Variants in MEGF11 observed in about 807,000 individuals in gnomAD.
MEGF11 encodes multiple EGF like domains 11.
A neutral mutation model predicts 146.6 loss-of-function variants in MEGF11; 126 were observed. The observed-to-expected ratio is 0.86, with a 90% CI of 0.74 to 1.00. The LOEUF (loss-of-function observed/expected upper bound fraction) is 1.00, where lower values mean the gene tolerates loss of function less well. MEGF11 is among the 50% of genes least tolerant of loss of function. The pLI, the probability that MEGF11 is intolerant of heterozygous loss-of-function variation, is 0.00. For missense variants in MEGF11, 1,509 were observed against 1,521.2 expected, an observed-to-expected ratio of 0.99 and a Z score of 0.13; for synonymous variants, 532 against 583.4, an observed-to-expected ratio of 0.91 and a Z score of 1.27.
chr15:66,083,546 C>T (rs757825807), intron 5 of MEGF11, among the ~76,000 whole-genome samples: 23 of 151,812 alleles, frequency 1.5e-4, no homozygotes, highest in Non-Finnish European at 2.5e-4. Flanking sequence ...AGGGGTAAAG[C>T]GTCATGACAT....
chr15:65,991,875 A>G (rs2082053742), intron 5 of MEGF11, among the ~76,000 whole-genome samples: 1 of 152,218 alleles, frequency 6.6e-6, no homozygotes, highest in Admixed American at 6.5e-5. Flanking sequence ...TTACGAGATG[A>G]GAGGCTCAAT....
chr15:65,969,118 A>C (rs149799627), intron 8 of MEGF11, among the ~76,000 whole-genome samples: 117 of 152,298 alleles, frequency 7.7e-4, no homozygotes, highest in African/African-American at 2.6e-3. Context: ...TCCAACAAGC[A>C]GAGAGATTTT....
intron 5 of MEGF11, among the ~76,000 whole-genome samples, chr15:66,020,991 C>CAAAAAAAAAA (rs35364286): frequency 5.6e-5 from 4 of 70,848 alleles, no homozygotes; most frequent in African/African-American, 2.2e-4. Flanking sequence ...AACTCCATCT[C>CAAAAAAAAAA]AAAAAAAAAA....
At chr15:66,237,407 G>A (rs374440390) in intron 1 of MEGF11, among the ~76,000 whole-genome samples, 2 of 152,172 alleles carry the variant, frequency 1.3e-5, no homozygotes, top group Non-Finnish European at 2.9e-5. Context: ...AAATAAGGAC[G>A]TCAGCAGCAT....
At chr15:66,028,374 G>A (rs2083408240) in intron 5 of MEGF11, among the ~76,000 whole-genome samples, 1 of 152,104 alleles carries the variant, frequency 6.6e-6, no homozygotes, top group Non-Finnish European at 1.5e-5. Context: ...AGCAATTTAG[G>A]GAAACAAATA....
At chr15:66,100,826 A>T (rs1434375248) in intron 4 of MEGF11, among the ~76,000 whole-genome samples, 2 of 120,220 alleles carry the variant, frequency 1.7e-5, no homozygotes, top group Non-Finnish European at 3.2e-5. Context: ...GGGAGACGGC[A>T]CCTGAATGAG....
intron 5 of MEGF11, among the ~76,000 whole-genome samples, chr15:66,083,639 A>G (rs2085986104): frequency 6.6e-6 from 1 of 152,188 alleles, no homozygotes; most frequent in East Asian, 1.9e-4. Flanking sequence ...CTTCATAAAA[A>G]AAAAAAACTT....
intron 18 of MEGF11, 94 bp from the exon 19 acceptor site, chr15:65,915,692 C>T (rs2078973977): frequency 6.7e-7 from 1 of 1,490,640 alleles, no homozygotes; most frequent in African/African-American, 1.4e-5. Context: ...CCTGTTTTGC[C>T]TCCCACTGAG....
At position 66,127,666 on chromosome 15, in the gene MEGF11, G is replaced by A. The variant is rs568437839; in HGVS notation, c.98+640C>T. ...TTGGGTCTCTGGTCACTGTCTTTCTGCTCACCAAAGTCAATACTTTAACCT... is the reference window on the plus strand; with the variant it reads ...TTGGGTCTCTGGTCACTGTCTTTCTACTCACCAAAGTCAATACTTTAACCT... On this transcript the variant is annotated intron_variant, in intron 2 of 25. Transcript: ENST00000395614. Among the ~76,000 whole-genome samples, 3 of 152,264 alleles carry A rather than the reference G, an allele frequency of 2.0e-5. No homozygotes were observed. The South Asian group carries it at 6.2e-4, about 32-fold the overall frequency.
intron 5 of MEGF11, among the ~76,000 whole-genome samples, chr15:66,090,725 G>A (rs2086287252): frequency 6.6e-6 from 1 of 152,226 alleles, no homozygotes; most frequent in Non-Finnish European, 1.5e-5. Flanking sequence ...CAAGGGACTA[G>A]TTAAATGCAT....
intron 8 of MEGF11, 57 bp downstream of exon 8, chr15:65,970,491 GCAAGT>G: frequency 6.4e-7 from 1 of 1,559,206 alleles, no homozygotes; most frequent in East Asian, 2.3e-5. Context: ...GCTGTTCTCT[GCAAGT>G]CTCCTATGAA....
intron 1 of MEGF11, among the ~76,000 whole-genome samples, chr15:66,137,762 G>A (rs1272431144): frequency 1.3e-5 from 2 of 151,780 alleles, no homozygotes; most frequent in Non-Finnish European, 2.9e-5. Context: ...TGCCCAGACT[G>A]GTCTGGAACT....
intron 5 of MEGF11, among the ~76,000 whole-genome samples, chr15:66,070,237 T>C (rs946545394): frequency 2.0e-5 from 3 of 152,284 alleles, no homozygotes; most frequent in Admixed American, 2.0e-4. Flanking sequence ...TTAGAAACAG[T>C]CTGGGAGCTG....
intron 3 of MEGF11, among the ~76,000 whole-genome samples, chr15:66,119,679 G>A (rs1324622217): frequency 1.3e-5 from 2 of 151,490 alleles, no homozygotes; most frequent in Non-Finnish European, 2.9e-5. Flanking sequence ...AGGACCCTTT[G>A]AGTCCAACTC....
At chr15:65,948,071 A>T (rs1288963460) in intron 10 of MEGF11, among the ~76,000 whole-genome samples, 2 of 152,272 alleles carry the variant, frequency 1.3e-5, no homozygotes, top group East Asian at 3.9e-4. Flanking sequence ...CTGTGAATTA[A>T]TTGACAACAT....
chr15:65,915,235 C>G (rs2078954528), intron 19 of MEGF11, among the ~76,000 whole-genome samples: 1 of 152,208 alleles, frequency 6.6e-6, no homozygotes, highest in African/African-American at 2.4e-5. Flanking sequence ...GCTACCCTTG[C>G]TTGGCTCATG....
At chr15:65,942,172 G>T (rs1416013032) in intron 10 of MEGF11, among the ~76,000 whole-genome samples, 1 of 152,174 alleles carries the variant, frequency 6.6e-6, no homozygotes, top group African/African-American at 2.4e-5. Context: ...CTCTCCCCTA[G>T]ACCAGGCTGC....
At chr15:66,108,421 G>T (rs926075361) in intron 4 of MEGF11, among the ~76,000 whole-genome samples, 7 of 152,172 alleles carry the variant, frequency 4.6e-5, no homozygotes, top group Admixed American at 1.3e-4. Context: ...GTTCCATTGA[G>T]GAGACAGAAA....
chr15:66,158,671 C>A (rs186879883), intron 1 of MEGF11, among the ~76,000 whole-genome samples: 46 of 152,340 alleles, frequency 3.0e-4, no homozygotes, highest in African/African-American at 1.1e-3. Context: ...GAAAGCTTCT[C>A]CAGAATCCTA....
Sources: gnomAD v4.1 joint callset for allele counts (sites outside exome capture counted in the v4.1 genomes callset) on GRCh38, gnomAD v4.1.1 for gene constraint, MANE v1.5 for transcripts, NCBI Gene and HGNC (gene_info 2026-07-23, HGNC 2026-07-21) for gene names.